RARB: variants seen among roughly 807,000 people sequenced by gnomAD.
RARB encodes retinoic acid receptor beta, also known as HBV-activated protein.
RARB carries 17 observed loss-of-function variants against 51.9 expected under a neutral mutation model. The ratio of observed to expected loss-of-function variants is 0.33; its 90% CI spans 0.22 to 0.49. RARB has a LOEUF of 0.49. RARB is among the 20% of genes least tolerant of loss of function. The pLI is 0.99. For missense variants in RARB, 369 were observed against 550.8 expected (o/e 0.67, Z 3.30); for synonymous variants, 215 against 195.4 (o/e 1.10, Z -0.84).
chr3:25,543,172 C>T (rs886902922), intron 3 of RARB, among the ~76,000 whole-genome samples: 3 of 152,140 alleles, frequency 2.0e-5, no homozygotes, highest in Non-Finnish European at 4.4e-5. Flanking sequence ...TGCCAAGACA[C>T]TCATGTGTAC....
At chr3:25,502,089 A>C (rs1334646075) in intron 3 of RARB, among the ~76,000 whole-genome samples, 1 of 152,206 alleles carries the variant, frequency 6.6e-6, no homozygotes, top group Non-Finnish European at 1.5e-5. Flanking sequence ...CTATGTGCCC[A>C]GTGATGCTCT....
chr3:24,971,906 T>C (rs1696406846), intron 2 of RARB, among the ~76,000 whole-genome samples: 2 of 152,136 alleles, frequency 1.3e-5, no homozygotes, highest in South Asian at 4.1e-4. Context: ...ATAATGGATG[T>C]ACATATTTTT....
At position 24,993,779 on chromosome 3, in the gene RARB, T is replaced by C. The variant is rs547502173; in HGVS notation, c.-379-66346T>C. The stretch of plus-strand genomic sequence containing the variant: ...GGTATTTAACTCTCTGTTCCTGTTT[T>C]ATTTCACTTAACATATGATCCTCCA... On this transcript the variant is annotated intron_variant, in intron 2 of 11. Coordinates refer to the RARB transcript ENST00000383772. Among the ~76,000 whole-genome samples the C allele has an allele frequency of 1.6e-3, 239 of 152,306 alleles. 3 individuals carry two copies. Among genetic ancestry groups the C allele is most frequent in the Admixed American group, 7.8e-4 (12 of 15,294 alleles).
At chr3:24,996,086 T>C (rs1471229696) in intron 2 of RARB, among the ~76,000 whole-genome samples, 5 of 152,096 alleles carry the variant, frequency 3.3e-5, no homozygotes, top group African/African-American at 1.2e-4. Context: ...AGCCATTGGT[T>C]CTGGACTTTT....
At chr3:25,049,214 C>G (rs540505308) in intron 2 of RARB, among the ~76,000 whole-genome samples, 1 of 152,100 alleles carries the variant, frequency 6.6e-6, no homozygotes, top group African/African-American at 2.4e-5. Context: ...TGTGGAAGAA[C>G]TAAGGAACTG....
chr3:24,963,097 A>G (rs1419028483), intron 2 of RARB, among the ~76,000 whole-genome samples: 1 of 152,152 alleles, frequency 6.6e-6, no homozygotes, highest in African/African-American at 2.4e-5. Flanking sequence ...CTTCTCTTCT[A>G]GATGCCTCAG....
At chr3:25,210,156 G>T (rs1040139474) in intron 5 of RARB, among the ~76,000 whole-genome samples, 2 of 152,144 alleles carry the variant, frequency 1.3e-5, no homozygotes, top group African/African-American at 2.4e-5. Flanking sequence ...GTAGATACTA[G>T]CTAGCAGAAA....
chr3:24,933,942 C>G (rs528953254), intron 2 of RARB, among the ~76,000 whole-genome samples: 1 of 152,236 alleles, frequency 6.6e-6, no homozygotes, highest in South Asian at 2.1e-4. Context: ...AGGTAATCAA[C>G]TGTATACATT....
chr3:25,484,000 T>C (rs182703317), intron 2 of RARB, among the ~76,000 whole-genome samples: 2 of 152,330 alleles, frequency 1.3e-5, no homozygotes, highest in East Asian at 3.9e-4. Context: ...TGTTGGCAAT[T>C]TACAGAGCTA....
At chr3:24,881,517 T>G (rs75626487) in intron 2 of RARB, among the ~76,000 whole-genome samples, 2 of 152,288 alleles carry the variant, frequency 1.3e-5, no homozygotes, top group African/African-American at 2.4e-5. Context: ...ATTGATTTGT[T>G]TGCATATTAC....
intron 2 of RARB, among the ~76,000 whole-genome samples, chr3:25,010,776 C>T (rs1432860578): frequency 6.6e-6 from 1 of 152,140 alleles, no homozygotes; most frequent in Non-Finnish European, 1.5e-5. Context: ...CCTTCATGAA[C>T]CCTCCCCGAT....
chr3:25,284,538 A>C (rs768990574), intron 5 of RARB, among the ~76,000 whole-genome samples: 1 of 152,158 alleles, frequency 6.6e-6, no homozygotes, highest in Admixed American at 6.5e-5. Context: ...GGCCTCAAAC[A>C]ACAGCATTTA....
intron 5 of RARB, among the ~76,000 whole-genome samples, chr3:25,312,295 T>C (rs372809060): frequency 1.3e-5 from 2 of 152,202 alleles, no homozygotes; most frequent in Non-Finnish European, 2.9e-5. Flanking sequence ...TCAAAACACA[T>C]TCATATTCAC....
chr3:24,902,215 G>A (rs1420674025), intron 2 of RARB, among the ~76,000 whole-genome samples: 2 of 152,098 alleles, frequency 1.3e-5, no homozygotes, highest in Admixed American at 6.6e-5. Flanking sequence ...ACAGACTTAC[G>A]TGTCCCTAGA....
intron 5 of RARB, among the ~76,000 whole-genome samples, chr3:25,394,528 A>C (rs781636197): frequency 3.3e-5 from 5 of 152,034 alleles, no homozygotes; most frequent in African/African-American, 4.8e-5. Flanking sequence ...TTGTGTTGCC[A>C]TCTATCTCAT....
rs965760487 is a variant in RARB, at chr3:25,335,871, T to C, written c.179-125322T>C. 3.3e-5 allele frequency among the ~76,000 whole-genome samples: 5 copies of C among 152,192 alleles called. No individual in the cohort carries two copies. In the East Asian group the frequency reaches 7.7e-4, roughly 23 times the overall value. ...AAATACAGGAGAACATGTAAAGCAT[T>C]TAAATGGGGAAATAATTTAGTAGTA... On this transcript the variant is annotated intron_variant, in intron 5 of 11. Transcript: ENST00000383772.
intron 3 of RARB, among the ~76,000 whole-genome samples, chr3:25,101,580 C>T (rs904529917): frequency 6.6e-6 from 1 of 151,328 alleles, no homozygotes; most frequent in Admixed American, 6.6e-5. Context: ...ATTTTAAAGG[C>T]AACACTGTAT....
intron 2 of RARB, among the ~76,000 whole-genome samples, chr3:24,884,414 A>G (rs2125359095): frequency 6.6e-6 from 1 of 152,320 alleles, no homozygotes; most frequent in African/African-American, 2.4e-5. Flanking sequence ...CAAGCCATGC[A>G]TGCAACAGGG....
chr3:25,106,473 G>GTTTTTGT lies in RARB; in HGVS notation c.-327-25683_-327-25682insGTTTTTT, dbSNP rs1559468602. ...TTTGTTTTTTGTTTTTTTTTGTTTT[G>GTTTTTGT]TTTTTTTTTTGTAGAGACAGGGTTT... On this transcript the variant is annotated intron_variant, in intron 3 of 11. Coordinates refer to the RARB transcript ENST00000383772. Among the ~76,000 whole-genome samples, 343 of 111,690 alleles carry GTTTTTGT rather than the reference G, an allele frequency of 3.1e-3. 20 individuals are homozygous for GTTTTTGT. The highest frequency in any genetic ancestry group is 0.01 in the African/African-American group (276 of 27,004). The allele number at this position is 111,690 out of a possible 152,430, so 73.3% of individuals were successfully genotyped here.
Sources: allele counts gnomAD v4.1 joint callset (sites outside exome capture counted in the v4.1 genomes callset), GRCh38; gene constraint gnomAD v4.1.1; transcripts MANE v1.5; gene names NCBI Gene and HGNC (gene_info 2026-07-23, HGNC 2026-07-21).